The following ARSG variants were observed in gnomAD, a reference collection of about 807,000 sequenced individuals.
The protein encoded by ARSG is ASG.
In ARSG, 37 loss-of-function variants were observed where a neutral mutation model predicts 50.5. The observed-to-expected ratio is 0.73, with a 90% confidence interval of 0.56 to 0.96. The LOEUF is 0.96. Ranked by LOEUF, ARSG falls within the 50% of genes least tolerant of loss-of-function variation. ARSG has a pLI of 0.00. For missense variants in ARSG, 629 were observed against 675.3 expected (o/e 0.93, Z 0.76); for synonymous variants, 225 against 254.6 (o/e 0.88, Z 1.11).
chr17:68,345,505 C>T (rs527829431), intron 3 of ARSG, among the ~76,000 whole-genome samples: 2 of 152,292 alleles, frequency 1.3e-5, no homozygotes, highest in Admixed American at 6.5e-5. Flanking sequence ...CTGCATTCCT[C>T]ACCCCCTCAC....
chr17:68,273,848 G>A (rs1364360403), intron 1 of ARSG: 11 of 1,492,774 alleles, frequency 7.4e-6, no homozygotes, highest in South Asian at 1.2e-5. Flanking sequence ...ATATAGTTTG[G>A]CTTTAATTTC....
chr17:68,291,224 GGCTCGGGCTGGTGAGGCCCGAGC>G (rs1270607954), upstream of ARSG: 1 of 151,452 alleles, frequency 6.6e-6, no homozygotes, highest in Non-Finnish European at 1.5e-5. Context: ...AGCGCAAGTT[GGCTCGGGCTGGTGAGGCCCGAGC>G]GCCCGGGCCC....
chr17:68,422,731 C>CAAAAAAA (rs71142175), downstream of ARSG: 1 of 66,432 alleles, frequency 1.5e-5, no homozygotes, highest in Non-Finnish European at 2.6e-5. Context: ...TCTATCATCT[C>CAAAAAAA]AAAAAAAAAA....
chr17:68,332,901 C>A (rs778202251), intron 2 of ARSG, among the ~76,000 whole-genome samples: 9 of 152,192 alleles, frequency 5.9e-5, no homozygotes, highest in Non-Finnish European at 1.0e-4. Context: ...TTGTACAGAG[C>A]TACAAATTCT....
chr17:68,448,900 G>A, the ARSG span, among the ~76,000 whole-genome samples: 1 of 152,096 alleles, frequency 6.6e-6, no homozygotes, highest in East Asian at 1.9e-4. Flanking sequence ...AAGAATGCAG[G>A]TTTCTTTTCT....
chr17:68,415,601 T>C (rs1216327298), intron 11 of ARSG, among the ~76,000 whole-genome samples: 1 of 152,222 alleles, frequency 6.6e-6, no homozygotes, highest in African/African-American at 2.4e-5. Flanking sequence ...ATGACCTGTC[T>C]AGTGCTGTCA....
At chr17:68,368,469 A>G in intron 6 of ARSG, 79 bp from the exon 7 acceptor site, 1 of 1,345,124 alleles carries the variant, frequency 7.4e-7, no homozygotes, top group Non-Finnish European at 1.1e-6. Context: ...ATTTTCCTGG[A>G]GGAGAGGGAG....
chr17:68,297,204 A>G (rs1344380909), intron 1 of ARSG, among the ~76,000 whole-genome samples: 1 of 152,246 alleles, frequency 6.6e-6, no homozygotes, highest in Non-Finnish European at 1.5e-5. Flanking sequence ...ATTTTCAATT[A>G]ACATCAACAA....
chr17:68,298,333 T>C (rs2145400672), intron 1 of ARSG, among the ~76,000 whole-genome samples: 1 of 152,228 alleles, frequency 6.6e-6, no homozygotes, highest in South Asian at 2.1e-4. Context: ...CTGGGCTTGG[T>C]GCCCCACATC....
At chr17:68,357,799 G>T (rs1189133756) in intron 6 of ARSG, among the ~76,000 whole-genome samples, 4 of 152,166 alleles carry the variant, frequency 2.6e-5, no homozygotes, top group African/African-American at 9.7e-5. Context: ...GCTGCTTGGT[G>T]CTTCTTTGTG....
intron 1 of ARSG, among the ~76,000 whole-genome samples, chr17:68,266,477 T>TAC (rs2075168455): frequency 1.5e-5 from 1 of 65,902 alleles, no homozygotes; most frequent in Admixed American, 2.1e-4. Context: ...ATATATATAC[T>TAC]TTTTTTTTGT....
intron 3 of ARSG, among the ~76,000 whole-genome samples, chr17:68,345,511 C>A (rs73357912): frequency 0.028 from 4,236 of 152,288 alleles, 194 homozygotes; most frequent in African/African-American, 0.095. Flanking sequence ...TCCTCACCCC[C>A]TCACCACTCA....
chr17:68,443,376 G>A, the ARSG span, among the ~76,000 whole-genome samples: 1 of 152,140 alleles, frequency 6.6e-6, no homozygotes, highest in Admixed American at 6.6e-5. Flanking sequence ...GCCTCCCAAT[G>A]TGCTGCGATT....
chr17:68,360,343 C>G (rs574941534), intron 6 of ARSG, among the ~76,000 whole-genome samples: 2 of 152,302 alleles, frequency 1.3e-5, no homozygotes, highest in East Asian at 3.9e-4. Flanking sequence ...CATGCCCTTC[C>G]TCCTCCATGA....
At chr17:68,320,285 G>A (rs1318255931) in intron 2 of ARSG, among the ~76,000 whole-genome samples, 1 of 142,660 alleles carries the variant, frequency 7.0e-6, no homozygotes, top group East Asian at 2.1e-4. Flanking sequence ...GCAAGACTCC[G>A]TCTTAAAAAA....
At chr17:68,417,733 A>AT (rs770292731) in intron 11 of ARSG, among the ~76,000 whole-genome samples, 1,715 of 60,600 alleles carry the variant, frequency 0.028, 400 homozygotes, top group Middle Eastern at 0.083. Flanking sequence ...GAGTTGCTGA[A>AT]TTTTTTTTTT....
At chr17:68,365,201 A>G (rs1174164981) in intron 6 of ARSG, among the ~76,000 whole-genome samples, 1 of 152,120 alleles carries the variant, frequency 6.6e-6, no homozygotes, top group Non-Finnish European at 1.5e-5. Flanking sequence ...AGTCCCAGCT[A>G]CTCGGGAGGC....
chr17:68,270,575 G>A (rs2075306596), intron 1 of ARSG, among the ~76,000 whole-genome samples: 2 of 150,716 alleles, frequency 1.3e-5, no homozygotes, highest in Admixed American at 1.3e-4. Context: ...AAAAAGGCCA[G>A]GGTCAATCTG....
intron 2 of ARSG, among the ~76,000 whole-genome samples, chr17:68,324,530 A>G (rs1453181494): frequency 3.3e-5 from 5 of 152,170 alleles, no homozygotes; most frequent in African/African-American, 7.2e-5. Flanking sequence ...TGGGTTGGAA[A>G]GGCCTGGGTT....
Sources: gnomAD v4.1 joint callset for allele counts (sites outside exome capture counted in the v4.1 genomes callset) on GRCh38, gnomAD v4.1.1 for gene constraint, MANE v1.5 for transcripts, NCBI Gene and HGNC (gene_info 2026-07-23, HGNC 2026-07-21) for gene names.